Variants in LINGO1 observed in about 807,000 individuals in gnomAD.
LINGO1 encodes leucine-rich repeat and immunoglobulin-like domain-containing nogo receptor-interacting protein 1.
Under a neutral mutation model 37.3 loss-of-function variants are expected in LINGO1, and 11 were observed. The observed-to-expected ratio is 0.29, with a 90% CI of 0.19 to 0.49. LINGO1 has a LOEUF of 0.49. Among genes scored for constraint, LINGO1 ranks in the 20% least tolerant of loss-of-function variants. The probability of loss-of-function intolerance (pLI) is 0.99; values close to 1 mark genes in which losing one functional copy is unlikely to be tolerated. For synonymous variants in LINGO1, 387 were observed against 403.0 expected (o/e 0.96, Z 0.48); for missense variants, 585 against 878.2 (o/e 0.67, Z 4.22).
At chr15:77,800,403 A>G (rs986471363) in intron 1 of LINGO1, among the ~76,000 whole-genome samples, 1 of 152,222 alleles carries the variant, frequency 6.6e-6, no homozygotes, top group African/African-American at 2.4e-5. Flanking sequence ...GCTCTGAGAG[A>G]GACAGAGCAG....
intron 3 of LINGO1, among the ~76,000 whole-genome samples, chr15:77,659,036 T>A (rs2074929278): frequency 6.6e-6 from 1 of 152,078 alleles, no homozygotes; most frequent in Non-Finnish European, 1.5e-5. Flanking sequence ...TTCATTAAGG[T>A]TGGAGCCCTG....
intron 1 of LINGO1, among the ~76,000 whole-genome samples, chr15:77,772,314 A>G (rs2076593645): frequency 6.6e-6 from 1 of 152,340 alleles, no homozygotes; most frequent in South Asian, 2.1e-4. Context: ...AACCTCACCC[A>G]CCAACCCTTA....
At chr15:77,759,861 A>T (rs2076456975) in intron 1 of LINGO1, among the ~76,000 whole-genome samples, 1 of 152,234 alleles carries the variant, frequency 6.6e-6, no homozygotes. Flanking sequence ...AAGTGAACAA[A>T]CATGCTGAGC....
upstream of LINGO1, among the ~76,000 whole-genome samples, chr15:77,699,775 T>TGCACACAGTAAGCACATACTAA (rs2075758784): frequency 3.5e-3 from 8 of 2,302 alleles, no homozygotes; most frequent in Non-Finnish European, 2.6e-3. Flanking sequence ...TAACCATCAT[T>TGCACACAGTAAGCACATACTAA]CCCCCCCTCT....
intron 1 of LINGO1, among the ~76,000 whole-genome samples, chr15:77,627,288 C>T (rs967201639): frequency 3.9e-5 from 6 of 152,058 alleles, no homozygotes; most frequent in African/African-American, 1.4e-4. Flanking sequence ...CAGGCCCAGG[C>T]AGAAAAGGCA....
chr15:77,681,526 T>G (rs1285174683), intron 2 of LINGO1, among the ~76,000 whole-genome samples: 1 of 152,180 alleles, frequency 6.6e-6, no homozygotes, highest in Admixed American at 6.5e-5. Context: ...TTGTGATGAA[T>G]GCACAGGCTC....
chr15:77,723,953 G>C (rs778105662), intron 2 of LINGO1, among the ~76,000 whole-genome samples: 1 of 152,162 alleles, frequency 6.6e-6, no homozygotes, highest in Non-Finnish European at 1.5e-5. Flanking sequence ...TTTTTCCCCA[G>C]GTTATATTTT....
At chr15:77,753,050 A>G (rs1264376277) in intron 1 of LINGO1, among the ~76,000 whole-genome samples, 1 of 152,164 alleles carries the variant, frequency 6.6e-6, no homozygotes, top group Non-Finnish European at 1.5e-5. Flanking sequence ...AAGCACATAC[A>G]TAGTGTCATA....
chr15:77,633,494 G>T (rs2074330478), upstream of LINGO1, among the ~76,000 whole-genome samples: 2 of 152,222 alleles, frequency 1.3e-5, no homozygotes, highest in Admixed American at 1.3e-4. Context: ...CCACATTCTA[G>T]CGCGGGAGGG....
intron 3 of LINGO1, among the ~76,000 whole-genome samples, chr15:77,659,753 C>T (rs562242035): frequency 6.6e-6 from 1 of 152,118 alleles, no homozygotes; most frequent in East Asian, 1.9e-4. Context: ...GGCGTGCCAC[C>T]TGGCCAGCTG....
At chr15:77,721,790 C>T (rs2076052604) in intron 2 of LINGO1, among the ~76,000 whole-genome samples, 1 of 152,134 alleles carries the variant, frequency 6.6e-6, no homozygotes, top group South Asian at 2.1e-4. Flanking sequence ...GATGTATGAC[C>T]TCGCAACTTC....
rs1359534203 is a variant in LINGO1, at chr15:77,614,031, C to T, written c.*13G>A. ...GCCCGGCCGCCCGGGGGTCCCTGCC[C>T]CCCGCCCCGGCCTCATATCATCTTC... is the stretch of plus-strand genomic sequence containing the variant. On this transcript the variant is annotated 3_prime_UTR_variant, in exon 2 of 2. Coordinates refer to ENST00000355300, the MANE Select transcript of LINGO1 (RefSeq NM_032808.7). The T allele has an allele frequency of 6.4e-7, 1 of 1,552,812 alleles. No individual in the cohort carries two copies. Among genetic ancestry groups the T allele is most frequent in the Admixed American group, 1.9e-5 (1 of 51,378 alleles).
chr15:77,632,440 G>C lies in LINGO1; in HGVS notation c.-125C>G, dbSNP rs966968305. 8.4e-6 allele frequency: 9 copies of C among 1,072,802 alleles called. No individual in the cohort carries two copies. Among genetic ancestry groups the C allele is most frequent in the South Asian group, 4.0e-5 (1 of 25,092 alleles). The allele number at this position is 1,072,802 out of a possible 1,614,324, so 66.5% of individuals were successfully genotyped here. A position where few individuals can be genotyped will look rare whatever the true frequency, so the allele number is the denominator to read the frequency against. ...TCCTCCTCCTCCGACACCTCCGCCC[G>C]GCAGTCCGCGCGCCCTCGCGGGGCT... On this transcript the variant is annotated 5_prime_UTR_variant, in exon 1 of 2. Transcript: ENST00000355300. This position sits in a 1 kb window ranked among gnomAD's most constrained non-coding sequence, Gnocchi z 6.0.
intron 3 of LINGO1, among the ~76,000 whole-genome samples, chr15:77,643,573 C>G (rs2074556618): frequency 6.6e-6 from 1 of 152,204 alleles, no homozygotes; most frequent in South Asian, 2.1e-4. Flanking sequence ...CTGCCACCCC[C>G]TTCCCTGCCA....
chr15:77,781,208 G>T lies in LINGO1; in HGVS notation c.-257+5661C>A, dbSNP rs549651045. Among the ~76,000 whole-genome samples the T allele has an allele frequency of 4.3e-3, 658 of 152,372 alleles. 3 individuals are homozygous for T. Among genetic ancestry groups the T allele is most frequent in the Middle Eastern group, 0.017 (5 of 294 alleles). Reference sequence around the variant, plus strand: ...AGTCCAGCCGGTTCCCTGAAGGCATGGGTAGGGGGCTGGAATTTCTGGCTC... The same window carrying T: ...AGTCCAGCCGGTTCCCTGAAGGCATTGGTAGGGGGCTGGAATTTCTGGCTC... On this transcript the variant is annotated intron_variant, in intron 1 of 3. Transcript: ENST00000561686.
In LINGO1 at chr15:77,613,571, A is replaced by AGAGGAG. The variant is rs375745016; in HGVS notation, c.*467_*472dup. ...GGGAAGAGAAGAGAAAGGAGGAAGAAGAGGAGGAGGAGGAAGAGAAAAACA... is the reference window on the plus strand; with the variant it reads ...GGGAAGAGAAGAGAAAGGAGGAAGAAGAGGAGGAGGAGGAGGAGGAAGAGAAAAACA... On this transcript the variant is annotated 3_prime_UTR_variant, in exon 2 of 2. Coordinates refer to ENST00000355300, the MANE Select transcript of LINGO1 (RefSeq NM_032808.7). The AGAGGAG allele has an allele frequency of 0.015, 2,412 of 161,536 alleles. 65 individuals carry two copies. The highest frequency in any genetic ancestry group is 0.054 in the African/African-American group (2,242 of 41,648). The allele number at this position is 161,536 out of a possible 1,614,324, so 10.0% of individuals were successfully genotyped here. A position where few individuals can be genotyped will look rare whatever the true frequency, so the allele number is the denominator to read the frequency against.
chr15:77,773,537 G>A (rs1046020467), intron 1 of LINGO1, among the ~76,000 whole-genome samples: 4 of 152,064 alleles, frequency 2.6e-5, no homozygotes, highest in African/African-American at 9.7e-5. Flanking sequence ...CACCCTGGAA[G>A]CCCATCCCTC....
chr15:77,619,645 C>A (rs1327060854), intron 1 of LINGO1, among the ~76,000 whole-genome samples: 1 of 151,802 alleles, frequency 6.6e-6, no homozygotes, highest in Non-Finnish European at 1.5e-5. Flanking sequence ...TGTGATTGTG[C>A]CACTGCATTC....
At chr15:77,783,448 C>T (rs572173744) in intron 1 of LINGO1, among the ~76,000 whole-genome samples, 4 of 152,142 alleles carry the variant, frequency 2.6e-5, no homozygotes, top group African/African-American at 9.7e-5. Context: ...CTTGGTAGGG[C>T]CTCAGCACCT....
Sources: gnomAD v4.1 joint callset for allele counts (sites outside exome capture counted in the v4.1 genomes callset) on GRCh38, gnomAD v4.1.1 for gene constraint, Gnocchi (gnomAD v3.1) non-coding constraint, MANE v1.5 for transcripts, NCBI Gene and HGNC (gene_info 2026-07-23, HGNC 2026-07-21) for gene names.